Variants in CDH19 observed in about 807,000 individuals in gnomAD.
The protein encoded by CDH19 is cadherin-19.
CDH19 carries 67 observed loss-of-function variants against 64.2 expected under a neutral mutation model. That is an observed-to-expected ratio of 1.04 (90% confidence interval 0.86 to 1.28). The LOEUF is 1.28. Ranked by LOEUF, CDH19 falls within the 50% of genes most tolerant of loss-of-function variation. The pLI is 0.00. For missense variants in CDH19, 1,030 were observed against 929.0 expected, an observed-to-expected ratio of 1.11 and a Z score of -1.41; for synonymous variants, 346 against 319.3, an observed-to-expected ratio of 1.08 and a Z score of -0.89.
At chr18:66,580,125 A>G (rs1484821323) in intron 1 of CDH19, among the ~76,000 whole-genome samples, 1 of 152,042 alleles carries the variant, frequency 6.6e-6, no homozygotes, top group Non-Finnish European at 1.5e-5. Context: ...TTAAATCAAT[A>G]TGTTAAACAA....
chr18:66,590,939 C>G (rs549778767), intron 1 of CDH19, among the ~76,000 whole-genome samples: 1 of 151,832 alleles, frequency 6.6e-6, no homozygotes, highest in African/African-American at 2.4e-5. Context: ...ATCATTTTCC[C>G]TTTCTTCCTC....
intron 9 of CDH19, among the ~76,000 whole-genome samples, chr18:66,515,432 A>G (rs1451670620): frequency 6.6e-6 from 1 of 151,814 alleles, no homozygotes. Context: ...AAAATAATAC[A>G]CTAATAGAAG....
rs1306957634 is a variant in CDH19, at chr18:66,568,788, T to C, written c.196-78A>G. ...TCAAAATCAAGATTTTCTTTTTATGTATGTTAATTATTCCCCAAGTTAATG... is the reference window on the plus strand; with the variant it reads ...TCAAAATCAAGATTTTCTTTTTATGCATGTTAATTATTCCCCAAGTTAATG... On this transcript the variant is annotated intron_variant, in intron 2 of 11. Transcript: ENST00000262150. 3.6e-6 allele frequency: 4 copies of C among 1,120,682 alleles called. No homozygotes were observed. In the South Asian group the frequency reaches 4.8e-5, roughly 13 times the overall value. The allele number at this position is 1,120,682 out of a possible 1,614,324, so 69.4% of individuals were successfully genotyped here. A position where few individuals can be genotyped will look rare whatever the true frequency, so the allele number is the denominator to read the frequency against.
At chr18:66,560,643 A>T (rs540401966) in intron 3 of CDH19, among the ~76,000 whole-genome samples, 1 of 152,032 alleles carries the variant, frequency 6.6e-6, no homozygotes, top group Non-Finnish European at 1.5e-5. Context: ...TTTTTCTCAA[A>T]GCCCAAATCT....
rs1985036995 is a variant in CDH19, at chr18:66,503,534, G to A, written c.*1278C>T. 1.3e-5 allele frequency: 2 copies of A among 151,268 alleles called. No homozygotes were observed. Among genetic ancestry groups the A allele is most frequent in the Admixed American group, 6.6e-5 (1 of 15,126 alleles). 9.4% of individuals were successfully genotyped at this position (151,268 alleles called of 1,614,324 possible). A position where few individuals can be genotyped will look rare whatever the true frequency, so the allele number is the denominator to read the frequency against. ...AGTTGTCTAAATAATTTTTAGTAGA[G>A]GTAAAAATTTACTTAAATTTTTCCA... On this transcript the variant is annotated 3_prime_UTR_variant, in exon 12 of 12. Coordinates refer to ENST00000262150, the MANE Select transcript of CDH19 (RefSeq NM_021153.4).
At position 66,535,096 on chromosome 18, in the gene CDH19, G is replaced by A; in HGVS notation, c.1226C>T (p.Thr409Ile). Residue 409 changes from threonine to isoleucine, a missense_variant, in exon 8 of 12, where the codon ACT (threonine) becomes ATT (isoleucine). Physicochemically the swap from Thr to Ile is moderately conservative, Grantham distance 89. Transcript: ENST00000262150. ...NRKSPIRYSI[T>I]RSKVFNINDN... Reference sequence around the variant, plus strand: ...ATTGATATTGAACACTTTGCTCCTAGTAATAGAATACCTGAACCAAAAGGA... The same window carrying A: ...ATTGATATTGAACACTTTGCTCCTAATAATAGAATACCTGAACCAAAAGGA... The A allele has an allele frequency of 1.4e-6, 2 of 1,470,044 alleles. No individual in the cohort carries two copies. Among genetic ancestry groups the A allele is most frequent in the Non-Finnish European group, 1.8e-6 (2 of 1,086,232 alleles). 91.1% of individuals were successfully genotyped at this position (1,470,044 alleles called of 1,614,324 possible).
At chr18:66,561,955 G>T (rs551490756) in intron 3 of CDH19, among the ~76,000 whole-genome samples, 11 of 151,932 alleles carry the variant, frequency 7.2e-5, no homozygotes, top group Middle Eastern at 3.4e-3. Context: ...CCAAATCTTG[G>T]CAACTTTTCA....
At chr18:66,585,526 T>G (rs1181028540) in intron 1 of CDH19, among the ~76,000 whole-genome samples, 1 of 152,094 alleles carries the variant, frequency 6.6e-6, no homozygotes, top group East Asian at 1.9e-4. Flanking sequence ...TCTCAAGGTC[T>G]GTGTTCTTGA....
intron 5 of CDH19, among the ~76,000 whole-genome samples, chr18:66,550,398 A>AC (rs1286467225): frequency 5.9e-5 from 9 of 152,238 alleles, no homozygotes; most frequent in African/African-American, 1.9e-4. Context: ...CAGAAGAAGG[A>AC]CCCCACAAAG....
Position 66,554,483 on chromosome 18 carries a change from G to C in CDH19, c.532C>G (p.Pro178Ala), listed in dbSNP as rs1240111720. The change falls in exon 4 of 12, where the codon CCC becomes GCC. Residue 178 changes from proline (P) to alanine (A), a missense_variant. By Grantham distance (27) the Pro-to-Ala change is conservative. Coordinates refer to ENST00000262150, the MANE Select transcript of CDH19 (RefSeq NM_021153.4). ...IQVTASDADD[P>A]SSGNNARLLY... ...AGACGAGCATTATTACCACTTGAGG[G>C]ATCGTCAGCATCACTTGCTGTCACC... 1.2e-6 allele frequency: 2 copies of C among 1,609,934 alleles called. No homozygotes were observed. The highest frequency in any genetic ancestry group is 1.7e-6 in the Non-Finnish European group (2 of 1,176,922).
At chr18:66,523,617 TG>T (rs1380828365) in intron 9 of CDH19, among the ~76,000 whole-genome samples, 8 of 83,220 alleles carry the variant, frequency 9.6e-5, no homozygotes, top group East Asian at 7.6e-4. Flanking sequence ...TCGGTGGGGG[TG>T]GGGGGGGAGT....
chr18:66,537,208 T>A (rs963449454), intron 7 of CDH19, among the ~76,000 whole-genome samples: 1 of 151,940 alleles, frequency 6.6e-6, no homozygotes, highest in Non-Finnish European at 1.5e-5. Context: ...CAATGTAGAA[T>A]CCAATACGGC....
At chr18:66,552,075 G>T (rs1201224070) in intron 4 of CDH19, among the ~76,000 whole-genome samples, 2 of 151,954 alleles carry the variant, frequency 1.3e-5, no homozygotes, top group African/African-American at 2.4e-5. Flanking sequence ...AGGAGGGAGT[G>T]GGGGAGATAG....
rs1299171636 is a variant in CDH19 at position 66,507,584 on chromosome 18, T to G, written c.1828+1411A>C. ...GACCTTTTGGTGTTCAGCTGCCTCA[T>G]TTGTGAAATGAATATAAATTATCTG... On this transcript the variant is annotated intron_variant, in intron 11 of 11. Coordinates refer to ENST00000262150, the MANE Select transcript of CDH19 (RefSeq NM_021153.4). Among the ~76,000 whole-genome samples the G allele has an allele frequency of 2.0e-5, 3 of 151,926 alleles. No individual in the cohort carries two copies. The East Asian group carries it at 5.8e-4, about 29-fold the overall frequency.
chr18:66,518,078 A>C (rs1439454685), intron 9 of CDH19, among the ~76,000 whole-genome samples: 1 of 152,072 alleles, frequency 6.6e-6, no homozygotes, highest in Non-Finnish European at 1.5e-5. Flanking sequence ...TTACTGTTTT[A>C]AATTATATTA....
At chr18:66,547,205 G>A (rs1244586417) in intron 5 of CDH19, among the ~76,000 whole-genome samples, 4 of 152,084 alleles carry the variant, frequency 2.6e-5, no homozygotes, top group Admixed American at 1.3e-4. Flanking sequence ...TTCATATTTC[G>A]GATATTTTCT....
Position 66,544,981 on chromosome 18 carries a change from G to C in CDH19, c.776-78C>G, listed in dbSNP as rs1054753002. The C allele has an allele frequency of 8.7e-6, 10 of 1,144,582 alleles. No individual in the cohort carries two copies. In the African/African-American group the frequency reaches 1.6e-4, roughly 18 times the overall value. 70.9% of individuals were successfully genotyped at this position (1,144,582 alleles called of 1,614,324 possible). On this transcript the variant is annotated intron_variant, in intron 5 of 11. Coordinates refer to ENST00000262150, the MANE Select transcript of CDH19 (RefSeq NM_021153.4). ...TGCAATTATAGTTTTTTGTTTGTTT[G>C]TTTGTTTGTTTTTTCGAGACGGAGT...
intron 1 of CDH19, among the ~76,000 whole-genome samples, chr18:66,576,681 A>G (rs1414216295): frequency 2.0e-5 from 3 of 151,648 alleles, no homozygotes; most frequent in East Asian, 3.9e-4. Context: ...ACACAAATCT[A>G]TAATTCAAAT....
chr18:66,591,745 C>T (rs576084597), intron 1 of CDH19, among the ~76,000 whole-genome samples: 74 of 151,898 alleles, frequency 4.9e-4, no homozygotes, highest in African/African-American at 1.5e-3. Flanking sequence ...ATGGAAAAAA[C>T]ATTCCTGAAA....
Sources: gnomAD v4.1 joint callset for allele counts (sites outside exome capture counted in the v4.1 genomes callset) on GRCh38, gnomAD v4.1.1 for gene constraint, MANE v1.5 for transcripts, NCBI Gene and HGNC (gene_info 2026-07-23, HGNC 2026-07-21) for gene names.